Variants in IL1RAP observed in about 807,000 individuals in gnomAD.
IL1RAP encodes interleukin-1 receptor accessory protein.
In IL1RAP, 35 loss-of-function variants were observed where a neutral mutation model predicts 60.7. That is an observed-to-expected ratio of 0.58 (90% confidence interval 0.44 to 0.76). The LOEUF is 0.76. Ranked by LOEUF, IL1RAP falls within the 30% of genes least tolerant of loss-of-function variation. The pLI is 0.00. For synonymous variants in IL1RAP, 268 were observed against 250.9 expected, an observed-to-expected ratio of 1.07 and a Z score of -0.64; for missense variants, 572 against 693.9, an observed-to-expected ratio of 0.82 and a Z score of 1.97.
chr3:190,578,117 C>T (rs1727662584), intron 3 of IL1RAP, among the ~76,000 whole-genome samples: 1 of 152,168 alleles, frequency 6.6e-6, no homozygotes, highest in Admixed American at 6.5e-5. Context: ...ATACCCCAAA[C>T]TTCAGCATTA....
chr3:190,580,670 C>T (rs1207017621), intron 3 of IL1RAP, among the ~76,000 whole-genome samples: 1 of 152,072 alleles, frequency 6.6e-6, no homozygotes, highest in Admixed American at 6.6e-5. Context: ...AGGTGTTAAT[C>T]AAAGGGTGCA....
intron 1 of IL1RAP, chr3:190,550,398 T>C (rs1277056943): frequency 6.6e-6 from 1 of 152,200 alleles, no homozygotes; most frequent in African/African-American, 2.4e-5. Flanking sequence ...TCATGGGGAA[T>C]TGCATGGACT....
Position 190,648,803 on chromosome 3 carries a change from A to G in IL1RAP, c.*98A>G. The stretch of plus-strand genomic sequence containing the variant: ...AGTTTATGGTTTCATAGGCAAAAAT[A>G]ATGGTCTAAGCCTCCCAATAGGGAT... On this transcript the variant is annotated 3_prime_UTR_variant, in exon 12 of 12. Transcript: ENST00000447382. 6.8e-7 allele frequency: 1 copy of G among 1,480,134 alleles called. No homozygotes were observed. The highest frequency in any genetic ancestry group is 9.0e-7 in the Non-Finnish European group (1 of 1,117,126). The allele number at this position is 1,480,134 out of a possible 1,614,324, so 91.7% of individuals were successfully genotyped here.
chr3:190,548,778 T>G (rs1163073167), intron 1 of IL1RAP, among the ~76,000 whole-genome samples: 1 of 152,208 alleles, frequency 6.6e-6, no homozygotes, highest in East Asian at 1.9e-4. Context: ...GACCTGAGTC[T>G]TGAATTAGGC....
At chr3:190,625,349 C>T (rs1318159096) in intron 7 of IL1RAP, among the ~76,000 whole-genome samples, 1 of 152,074 alleles carries the variant, frequency 6.6e-6, no homozygotes, top group Non-Finnish European at 1.5e-5. Flanking sequence ...AAGGCTGTAA[C>T]ATTAAATGTT....
At chr3:190,587,307 A>G (rs919372629) in intron 3 of IL1RAP, among the ~76,000 whole-genome samples, 1 of 152,220 alleles carries the variant, frequency 6.6e-6, no homozygotes, top group Non-Finnish European at 1.5e-5. Context: ...TCTATGCTTC[A>G]TGCTCGTCAT....
chr3:190,615,330 C>G, intron 5 of IL1RAP: 1 of 1,275,980 alleles, frequency 7.8e-7, no homozygotes, highest in South Asian at 1.2e-5. Context: ...TAGGAACCTC[C>G]AAACATATAG....
chr3:190,639,983 C>A (rs1326989643), intron 9 of IL1RAP, among the ~76,000 whole-genome samples: 2 of 152,200 alleles, frequency 1.3e-5, no homozygotes, highest in Non-Finnish European at 2.9e-5. Flanking sequence ...CCCAGCTATT[C>A]TTTGCCTAAC....
At chr3:190,658,323 A>C (rs1420885591) in exon 12 of IL1RAP, 1 of 152,192 alleles carries the variant, frequency 6.6e-6, no homozygotes, top group Non-Finnish European at 1.5e-5. Context: ...CATATCTCCA[A>C]ATGGAATTTT....
At chr3:190,620,221 G>A (rs1366079794) in intron 5 of IL1RAP, 54 bp from the exon 6 acceptor site, 9 of 999,092 alleles carry the variant, frequency 9.0e-6, no homozygotes, top group Non-Finnish European at 1.3e-5. Context: ...GTGTTTGTAT[G>A]TTTTCTATGC....
intron 1 of IL1RAP, among the ~76,000 whole-genome samples, chr3:190,528,259 A>G (rs1170253186): frequency 6.6e-6 from 1 of 152,142 alleles, no homozygotes; most frequent in Non-Finnish European, 1.5e-5. Context: ...ATTGTCTGCT[A>G]ATTCTCATTG....
intron 6 of IL1RAP, 62 bp from the exon 7 acceptor site, chr3:190,623,282 A>C: frequency 7.8e-7 from 1 of 1,277,134 alleles, no homozygotes; most frequent in East Asian, 2.3e-5. Context: ...AGAGAAGAGC[A>C]GAATTTTTAA....
chr3:190,579,213 T>G (rs1727772887), intron 3 of IL1RAP, among the ~76,000 whole-genome samples: 1 of 152,222 alleles, frequency 6.6e-6, no homozygotes, highest in African/African-American at 2.4e-5. Flanking sequence ...AAATTAATAC[T>G]TCTTCCTTCA....
downstream of IL1RAP, among the ~76,000 whole-genome samples, chr3:190,651,953 T>A (rs923404228): frequency 7.2e-5 from 11 of 152,192 alleles, no homozygotes; most frequent in African/African-American, 2.7e-4. Flanking sequence ...TTTACAGGAA[T>A]ATTTTTCATC....
chr3:190,656,651 C>A, exon 12 of IL1RAP: 1 of 1,132,034 alleles, frequency 8.8e-7, no homozygotes, highest in Non-Finnish European at 1.2e-6. Flanking sequence ...TACCAACCCT[C>A]TGTATGTCAT....
chr3:190,618,561 C>T (rs1303607149), intron 5 of IL1RAP, among the ~76,000 whole-genome samples: 2 of 152,136 alleles, frequency 1.3e-5, no homozygotes, highest in Non-Finnish European at 2.9e-5. Context: ...GTCTACTTCA[C>T]AGGAGTTTCA....
At chr3:190,618,874 A>G (rs1731513103) in intron 5 of IL1RAP, among the ~76,000 whole-genome samples, 1 of 152,224 alleles carries the variant, frequency 6.6e-6, no homozygotes, top group South Asian at 2.1e-4. Flanking sequence ...ATGAAATGGA[A>G]GTTCAATGCT....
chr3:190,656,773 C>G (rs1734633496), exon 12 of IL1RAP: 5 of 547,002 alleles, frequency 9.1e-6, no homozygotes, highest in Admixed American at 7.0e-5. Context: ...ACCTGAAGGA[C>G]CTGAATCCAG....
chr3:190,656,104 T>G (rs780750182), downstream of IL1RAP: 12 of 1,537,162 alleles, frequency 7.8e-6, no homozygotes, highest in African/African-American at 2.7e-5. Flanking sequence ...GTCTGTGTCT[T>G]TTGTGAGCTG....
Sources: allele counts gnomAD v4.1 joint callset (sites outside exome capture counted in the v4.1 genomes callset), GRCh38; gene constraint gnomAD v4.1.1; transcripts MANE v1.5; gene names NCBI Gene and HGNC (gene_info 2026-07-23, HGNC 2026-07-21).